MTSS1: variants seen among roughly 807,000 people sequenced by gnomAD.
MTSS1 encodes protein MTSS 1.
MTSS1 carries 18 observed loss-of-function variants against 79.0 expected under a neutral mutation model. The ratio of observed to expected loss-of-function variants is 0.23; its 90% CI spans 0.16 to 0.34. MTSS1 has a LOEUF of 0.34. Ranked by LOEUF, MTSS1 falls within the 10% of genes least tolerant of loss-of-function variation. MTSS1 has a pLI of 1.00. For missense variants in MTSS1, 815 were observed against 986.2 expected, an observed-to-expected ratio of 0.83 and a Z score of 2.33; for synonymous variants, 341 against 368.6, an observed-to-expected ratio of 0.93 and a Z score of 0.86.
chr8:124,708,482 T>C (rs929035725), intron 1 of MTSS1, among the ~76,000 whole-genome samples: 1 of 152,150 alleles, frequency 6.6e-6, no homozygotes, highest in Non-Finnish European at 1.5e-5. Flanking sequence ...TGCATCTCCC[T>C]ATTAGTAAAC....
At chr8:124,676,853 C>T (rs555450390) in intron 3 of MTSS1, among the ~76,000 whole-genome samples, 1 of 152,296 alleles carries the variant, frequency 6.6e-6, no homozygotes, top group East Asian at 1.9e-4. Context: ...AATCAGCCAG[C>T]CACGGGCACA....
In MTSS1 at chr8:124,676,920, G is replaced by A. The variant is rs141089835; in HGVS notation, c.208+22606C>T. Among the ~76,000 whole-genome samples the A allele has an allele frequency of 2.7e-3, 410 of 152,234 alleles. 1 individual carries two copies. The highest frequency in any genetic ancestry group is 9.3e-3 in the African/African-American group (385 of 41,542). On this transcript the variant is annotated intron_variant, in intron 3 of 13. Coordinates refer to ENST00000518547, the MANE Select transcript of MTSS1 (RefSeq NM_014751.6). ...GTGCATTGTGTCATGTCCAATACTCGTCATTGTATACATAATAAAGTCAGT... is the reference window on the plus strand; with the variant it reads ...GTGCATTGTGTCATGTCCAATACTCATCATTGTATACATAATAAAGTCAGT...
intron 1 of MTSS1, among the ~76,000 whole-genome samples, chr8:124,710,029 A>G (rs551903551): frequency 7.2e-5 from 11 of 152,208 alleles, no homozygotes; most frequent in Admixed American, 2.0e-4. Flanking sequence ...AAATGAAGGG[A>G]GGAAGGAAAA....
intron 3 of MTSS1, among the ~76,000 whole-genome samples, chr8:124,666,331 A>C (rs1041577930): frequency 6.6e-6 from 1 of 152,256 alleles, no homozygotes; most frequent in Non-Finnish European, 1.5e-5. Flanking sequence ...GCAGCCATGC[A>C]AACTATCAAC....
Position 124,659,385 on chromosome 8 carries a change from G to T in MTSS1, c.208+40141C>A, listed in dbSNP as rs1026357963. On this transcript the variant is annotated intron_variant, in intron 3 of 13. Transcript: ENST00000518547. ...AATCTATTTCTGTGACTTGCATCTCGGGAATCATGTGTATATAGGGTATGC... is the reference window on the plus strand; with the variant it reads ...AATCTATTTCTGTGACTTGCATCTCTGGAATCATGTGTATATAGGGTATGC... Among the ~76,000 whole-genome samples the T allele has an allele frequency of 2.6e-5, 4 of 152,182 alleles. No individual in the cohort carries two copies. In the South Asian group the frequency reaches 8.3e-4, roughly 32 times the overall value.
At chr8:124,657,934 G>A (rs189336963) in intron 3 of MTSS1, among the ~76,000 whole-genome samples, 1 of 152,300 alleles carries the variant, frequency 6.6e-6, no homozygotes, top group East Asian at 1.9e-4. Context: ...GTGAGCCTTT[G>A]GGAGGTAATT....
At chr8:124,574,384 C>T (rs971120558) in intron 6 of MTSS1, among the ~76,000 whole-genome samples, 23 of 152,236 alleles carry the variant, frequency 1.5e-4, no homozygotes, top group Admixed American at 6.5e-4. Context: ...AATGAATATC[C>T]GTTTTGATAG....
chr8:124,683,388 T>C lies in MTSS1; in HGVS notation c.208+16138A>G, dbSNP rs1053740447. On this transcript the variant is annotated intron_variant, in intron 3 of 13. Coordinates refer to ENST00000518547, the MANE Select transcript of MTSS1 (RefSeq NM_014751.6). The surrounding 1 kb of genome is among the most constrained non-coding windows in gnomAD (Gnocchi z 4.5). ...TACTAGCTTTATGTATATATAGATA[T>C]ATACGTATATACACATATAGATATG... Among the ~76,000 whole-genome samples the C allele has an allele frequency of 6.6e-6, 1 of 152,234 alleles. No individual in the cohort carries two copies. The highest frequency in any genetic ancestry group is 2.4e-5 in the African/African-American group (1 of 41,466).
chr8:124,685,654 G>T (rs866411990), intron 3 of MTSS1, among the ~76,000 whole-genome samples: 1 of 151,672 alleles, frequency 6.6e-6, no homozygotes, highest in Non-Finnish European at 1.5e-5. Context: ...ATGTACTGGG[G>T]AGACAGCCAA....
At chr8:124,640,783 C>A (rs1817891773) in intron 3 of MTSS1, among the ~76,000 whole-genome samples, 2 of 152,112 alleles carry the variant, frequency 1.3e-5, no homozygotes, top group African/African-American at 4.8e-5. Flanking sequence ...ACCTCGTGAT[C>A]CACCCTCCTC....
chr8:124,572,959 C>A (rs1163840461), intron 6 of MTSS1, among the ~76,000 whole-genome samples: 2 of 152,118 alleles, frequency 1.3e-5, no homozygotes, highest in African/African-American at 4.8e-5. Context: ...GTTGGCCAGG[C>A]TGGTCTTGAA....
At chr8:124,657,224 T>C (rs942835733) in intron 3 of MTSS1, among the ~76,000 whole-genome samples, 3 of 152,132 alleles carry the variant, frequency 2.0e-5, no homozygotes, top group Admixed American at 2.0e-4. Context: ...GCCTGCACTT[T>C]GCTTTACAAT....
At chr8:124,709,789 C>T (rs576667417) in intron 1 of MTSS1, among the ~76,000 whole-genome samples, 10 of 152,342 alleles carry the variant, frequency 6.6e-5, no homozygotes, top group Non-Finnish European at 1.3e-4. Context: ...ACACACACCA[C>T]ACCCTGTGGC....
chr8:124,640,310 G>A (rs1013113900), intron 3 of MTSS1, among the ~76,000 whole-genome samples: 2 of 152,194 alleles, frequency 1.3e-5, no homozygotes, highest in African/African-American at 2.4e-5. Flanking sequence ...GGGTAGGAAA[G>A]GACTAAAAAA....
chr8:124,564,970 G>A (rs529249675), intron 9 of MTSS1, among the ~76,000 whole-genome samples: 1 of 152,278 alleles, frequency 6.6e-6, no homozygotes, highest in Non-Finnish European at 1.5e-5. Context: ...AGAGTAACAG[G>A]ACTACTATAC....
intron 10 of MTSS1, among the ~76,000 whole-genome samples, chr8:124,560,950 G>C (rs558048043): frequency 3.9e-5 from 6 of 152,290 alleles, no homozygotes; most frequent in African/African-American, 1.4e-4. Flanking sequence ...GCGCCTCCTA[G>C]ATGTATGCCC....
intron 6 of MTSS1, chr8:124,580,384 C>G: frequency 1.5e-6 from 1 of 653,682 alleles, no homozygotes; most frequent in Non-Finnish European, 2.6e-6. Context: ...TAAAACACAA[C>G]GCACACACAA....
intron 3 of MTSS1, among the ~76,000 whole-genome samples, chr8:124,696,095 C>T (rs1195794503): frequency 6.6e-6 from 1 of 152,074 alleles, no homozygotes; most frequent in Admixed American, 6.5e-5. Context: ...TCAAGCGATT[C>T]TCCTGCCTCA....
intron 1 of MTSS1, among the ~76,000 whole-genome samples, chr8:124,723,108 G>C (rs1325946578): frequency 1.3e-5 from 2 of 152,204 alleles, no homozygotes; most frequent in Non-Finnish European, 2.9e-5. Flanking sequence ...AGGTGCAAAA[G>C]AAGAGTTCAA....
Sources: gnomAD v4.1 joint callset for allele counts (sites outside exome capture counted in the v4.1 genomes callset) on GRCh38, gnomAD v4.1.1 for gene constraint, Gnocchi (gnomAD v3.1) non-coding constraint, MANE v1.5 for transcripts, NCBI Gene and HGNC (gene_info 2026-07-23, HGNC 2026-07-21) for gene names.